NKD1: variants seen among roughly 807,000 people sequenced by gnomAD.
NKD1 encodes protein naked cuticle homolog 1.
Under a neutral mutation model 56.0 loss-of-function variants are expected in NKD1, and 21 were observed. That is an observed-to-expected ratio of 0.38 (90% CI 0.27 to 0.54). The LOEUF (loss-of-function observed/expected upper bound fraction) is 0.54. NKD1 is among the 20% of genes least tolerant of loss of function. The pLI, the probability that NKD1 is intolerant of heterozygous loss-of-function variation, is 0.82. For synonymous variants in NKD1, 263 were observed against 265.7 expected, an observed-to-expected ratio of 0.99 and a Z score of 0.10; for missense variants, 578 against 642.7, an observed-to-expected ratio of 0.90 and a Z score of 1.09.
At chr16:50,629,731 T>G (rs1429838098) in intron 6 of NKD1, among the ~76,000 whole-genome samples, 2 of 152,126 alleles carry the variant, frequency 1.3e-5, no homozygotes, top group East Asian at 3.9e-4. Context: ...ACCCCTGCAC[T>G]CCAGCCTGGG....
intron 3 of NKD1, among the ~76,000 whole-genome samples, chr16:50,581,362 A>G (rs1217995664): frequency 6.6e-6 from 1 of 152,214 alleles, no homozygotes; most frequent in African/African-American, 2.4e-5. Flanking sequence ...CGTATTACTC[A>G]GGATTCCTTC....
At chr16:50,549,355 C>T (rs1960321372) in intron 2 of NKD1, 67 bp from the exon 3 acceptor site, 2 of 1,568,560 alleles carry the variant, frequency 1.3e-6, no homozygotes, top group Non-Finnish European at 1.7e-6. Context: ...CCTCCTTCTT[C>T]CCTCCGCGGG....
At chr16:50,611,600 C>T (rs1306566804) in intron 4 of NKD1, among the ~76,000 whole-genome samples, 2 of 152,180 alleles carry the variant, frequency 1.3e-5, no homozygotes, top group Non-Finnish European at 2.9e-5. Flanking sequence ...AGTGTTAAGA[C>T]TGAGGCCTGG....
At chr16:50,572,971 G>T (rs1248275299) in intron 3 of NKD1, 2 of 664,782 alleles carry the variant, frequency 3.0e-6, no homozygotes, top group African/African-American at 3.9e-5. Flanking sequence ...TGGGCCTGCT[G>T]CCTAGCAGTT....
intron 4 of NKD1, among the ~76,000 whole-genome samples, chr16:50,620,141 T>A (rs987430309): frequency 6.6e-6 from 1 of 152,284 alleles, no homozygotes; most frequent in African/African-American, 2.4e-5. Flanking sequence ...CTCATCTTTA[T>A]GTACAGTGGC....
chr16:50,574,956 G>T (rs1960961061), intron 3 of NKD1: 1 of 985,172 alleles, frequency 1.0e-6, no homozygotes, highest in African/African-American at 1.7e-5. Flanking sequence ...ATCAGAATTG[G>T]CTTAGGGCAT....
intron 3 of NKD1, chr16:50,556,143 G>A (rs527516240): frequency 3.5e-4 from 53 of 152,394 alleles, no homozygotes; most frequent in African/African-American, 1.1e-3. Context: ...TTTATCCTGG[G>A]AAGCTTCCCG....
In NKD1 at chr16:50,638,196, T is replaced by C. The variant is rs1185829871; in HGVS notation, c.*4415T>C. ...AGATGCCAGCACTAATAACCTGGCT[T>C]CTGTGAGGCCTGTCAGTGCTCTCAG... On this transcript the variant is annotated 3_prime_UTR_variant, in exon 10 of 10. Transcript: ENST00000268459. The C allele has an allele frequency of 1.3e-5, 2 of 152,158 alleles. No individual in the cohort carries two copies. Among genetic ancestry groups the C allele is most frequent in the Non-Finnish European group, 2.9e-5 (2 of 68,030 alleles). 9.4% of individuals were successfully genotyped at this position (152,158 alleles called of 1,614,324 possible). A position where few individuals can be genotyped will look rare whatever the true frequency, so the allele number is the denominator to read the frequency against.
chr16:50,582,743 G>A (rs187770637), intron 3 of NKD1, among the ~76,000 whole-genome samples: 2 of 152,164 alleles, frequency 1.3e-5, no homozygotes, highest in African/African-American at 2.4e-5. Context: ...GCGCAGTGGC[G>A]CACGCCTGTA....
In NKD1 at chr16:50,635,029, G is replaced by C. The variant is rs892091801; in HGVS notation, c.*1248G>C. On this transcript the variant is annotated 3_prime_UTR_variant, in exon 10 of 10. Coordinates refer to ENST00000268459, the MANE Select transcript of NKD1 (RefSeq NM_033119.5). This position sits in a 1 kb window ranked among gnomAD's most constrained non-coding sequence, Gnocchi z 4.1. ...CCAGTCAGCTAGCCAGGGTCTCAGA[G>C]AAAAGCAGATTACACACTCAAATTG... 8 of 152,246 alleles carry C rather than the reference G, an allele frequency of 5.3e-5. No homozygotes were observed. Among genetic ancestry groups the C allele is most frequent in the African/African-American group, 1.7e-4 (7 of 41,454 alleles). The allele number at this position is 152,246 out of a possible 1,614,324, so 9.4% of individuals were successfully genotyped here.
chr16:50,597,307 T>A (rs1343176413), intron 3 of NKD1, among the ~76,000 whole-genome samples: 1 of 151,794 alleles, frequency 6.6e-6, no homozygotes, highest in Non-Finnish European at 1.5e-5. Flanking sequence ...GGAGGACAGG[T>A]TTGGGGGCCG....
chr16:50,569,219 A>T (rs1289849691), intron 3 of NKD1, among the ~76,000 whole-genome samples: 1 of 152,158 alleles, frequency 6.6e-6, no homozygotes, highest in Non-Finnish European at 1.5e-5. Context: ...TTGAACTTGG[A>T]CTATCCTCAT....
rs1962701526 is a variant in NKD1, at chr16:50,647,365, G to C, written c.*13584G>C. 1 of 152,218 alleles carries C rather than the reference G, an allele frequency of 6.6e-6. No homozygotes were observed. The highest frequency in any genetic ancestry group is 1.5e-5 in the Non-Finnish European group (1 of 68,040). The allele number at this position is 152,218 out of a possible 1,614,324, so 9.4% of individuals were successfully genotyped here. On this transcript the variant is annotated 3_prime_UTR_variant, in exon 10 of 10. Coordinates refer to ENST00000268459, the MANE Select transcript of NKD1 (RefSeq NM_033119.5). The stretch of plus-strand genomic sequence containing the variant: ...CTGAGGACCACAGAGCACACACAGA[G>C]AGTGCTGGGTCCTTGGGAATGATGT...
intron 3 of NKD1, among the ~76,000 whole-genome samples, chr16:50,560,583 G>C (rs1007165295): frequency 6.6e-6 from 1 of 151,322 alleles, no homozygotes; most frequent in African/African-American, 2.4e-5. Context: ...TTCAAATTCA[G>C]ATCACTCAGT....
chr16:50,607,096 C>T (rs1177739378), intron 3 of NKD1: 1 of 447,840 alleles, frequency 2.2e-6, no homozygotes, highest in Non-Finnish European at 4.5e-6. Flanking sequence ...GTAAATGGGA[C>T]ACCGGAGTCT....
intron 6 of NKD1, among the ~76,000 whole-genome samples, chr16:50,626,789 C>T (rs1371313695): frequency 6.6e-6 from 1 of 152,220 alleles, no homozygotes; most frequent in African/African-American, 2.4e-5. Context: ...TCTTCAGGCA[C>T]GAGACCTGTT....
intron 5 of NKD1, among the ~76,000 whole-genome samples, chr16:50,624,036 A>G (rs1183885296): frequency 6.6e-6 from 1 of 151,958 alleles, no homozygotes; most frequent in Admixed American, 6.6e-5. Context: ...TGCAGCAGCC[A>G]GGGTCAGGAC....
At chr16:50,559,188 C>T (rs1289186766) in intron 3 of NKD1, among the ~76,000 whole-genome samples, 1 of 152,170 alleles carries the variant, frequency 6.6e-6, no homozygotes, top group East Asian at 1.9e-4. Flanking sequence ...GGGTTCATTT[C>T]AGCAAGTTAA....
At chr16:50,551,571 G>A (rs1349275431) in intron 3 of NKD1, among the ~76,000 whole-genome samples, 1 of 152,128 alleles carries the variant, frequency 6.6e-6, no homozygotes, top group African/African-American at 2.4e-5. Context: ...CACCAACCTT[G>A]GCCCCAGATG....
Sources: allele counts gnomAD v4.1 joint callset (sites outside exome capture counted in the v4.1 genomes callset), GRCh38; gene constraint gnomAD v4.1.1; non-coding constraint Gnocchi (gnomAD v3.1); transcripts MANE v1.5; gene names NCBI Gene and HGNC (gene_info 2026-07-23, HGNC 2026-07-21).